KCNN2: variants seen among roughly 807,000 people sequenced by gnomAD.
KCNN2 encodes the protein potassium calcium-activated channel subfamily N member 2.
KCNN2 carries 24 observed loss-of-function variants against 55.5 expected under a neutral mutation model. The ratio of observed to expected loss-of-function variants is 0.43; its 90% CI spans 0.31 to 0.61. The LOEUF is 0.61. Ranked by LOEUF, KCNN2 falls within the 20% of genes least tolerant of loss-of-function variation. KCNN2 has a pLI of 0.08. For synonymous variants in KCNN2, 431 were observed against 336.1 expected, an observed-to-expected ratio of 1.28 and a Z score of -3.09; for missense variants, 754 against 853.6, an observed-to-expected ratio of 0.88 and a Z score of 1.45.
intron 3 of KCNN2, among the ~76,000 whole-genome samples, chr5:114,433,302 G>C (rs1759868409): frequency 6.6e-6 from 1 of 152,176 alleles, no homozygotes; most frequent in Admixed American, 6.5e-5. Flanking sequence ...ACTGTATCTA[G>C]CTACTCTGGT....
intron 2 of KCNN2, among the ~76,000 whole-genome samples, chr5:114,314,113 C>A (rs1226602340): frequency 6.6e-6 from 1 of 151,990 alleles, no homozygotes; most frequent in Non-Finnish European, 1.5e-5. Flanking sequence ...TTGTATAGGA[C>A]ATGAACAAAA....
rs1748092809 is a variant in KCNN2, at chr5:114,495,884, C to G, written c.2089-11C>G. 1.2e-6 allele frequency: 2 copies of G among 1,609,630 alleles called. No homozygotes were observed. Among genetic ancestry groups the G allele is most frequent in the Middle Eastern group, 1.6e-4 (1 of 6,072 alleles). On this transcript the variant is annotated splice_polypyrimidine_tract_variant and intron_variant, in intron 7 of 7. Transcript: ENST00000673685. ...AGTATAATTAACCTTCTTCTCAATC[C>G]TGTTTTTCAGACCCAGAACATCATG...
At chr5:114,146,439 C>T (rs550498588) in intron 1 of KCNN2, among the ~76,000 whole-genome samples, 8 of 152,230 alleles carry the variant, frequency 5.3e-5, no homozygotes, top group African/African-American at 9.6e-5. Context: ...TAGGCTGGAC[C>T]GTTGTCTGTT....
At chr5:114,363,309 G>T (rs1433686781) in intron 1 of KCNN2, 48 bp downstream of exon 1, 7 of 1,511,452 alleles carry the variant, frequency 4.6e-6, no homozygotes, top group Non-Finnish European at 4.4e-6. Flanking sequence ...GGCACTGGGT[G>T]GTTGGGATGG....
intron 1 of KCNN2, among the ~76,000 whole-genome samples, chr5:114,197,355 T>G (rs1276572529): frequency 6.6e-6 from 1 of 152,236 alleles, no homozygotes; most frequent in East Asian, 1.9e-4. Context: ...GTTTATAGAA[T>G]TGTTCAAGTC....
At chr5:114,218,510 T>C (rs1378469529) in intron 1 of KCNN2, among the ~76,000 whole-genome samples, 1 of 152,198 alleles carries the variant, frequency 6.6e-6, no homozygotes, top group African/African-American at 2.4e-5. Context: ...TACTGTATGA[T>C]TCTAGCTATG....
intron 1 of KCNN2, among the ~76,000 whole-genome samples, chr5:114,088,453 TTAGAAATCAC>T (rs1171810686): frequency 6.6e-6 from 1 of 152,102 alleles, no homozygotes; most frequent in African/African-American, 2.4e-5. Context: ...TACAGCTGTG[TTAGAAATCAC>T]TGAAGCTCTG....
intron 1 of KCNN2, among the ~76,000 whole-genome samples, chr5:114,125,746 C>T (rs890946217): frequency 2.0e-5 from 3 of 152,184 alleles, no homozygotes; most frequent in African/African-American, 7.2e-5. Flanking sequence ...TGAGGCCTCT[C>T]TCTTTGTCTT....
intron 1 of KCNN2, among the ~76,000 whole-genome samples, chr5:114,209,328 G>A (rs1753833124): frequency 6.6e-6 from 1 of 151,848 alleles, no homozygotes; most frequent in African/African-American, 2.4e-5. Context: ...TCCTCTGCTT[G>A]CTCCTTAAAT....
At chr5:114,155,348 T>G (rs1398139602) in intron 1 of KCNN2, among the ~76,000 whole-genome samples, 1 of 152,212 alleles carries the variant, frequency 6.6e-6, no homozygotes, top group Non-Finnish European at 1.5e-5. Flanking sequence ...GCAGTGAACA[T>G]ACATGTGCAT....
At chr5:114,105,790 T>A (rs1561477941) in intron 1 of KCNN2, among the ~76,000 whole-genome samples, 1 of 152,082 alleles carries the variant, frequency 6.6e-6, no homozygotes, top group Admixed American at 6.6e-5. Context: ...TGGTAAGTCC[T>A]CAGTCTTCAG....
intron 1 of KCNN2, among the ~76,000 whole-genome samples, chr5:114,066,724 C>T (rs565012564): frequency 5.3e-4 from 81 of 152,114 alleles, no homozygotes; most frequent in Admixed American, 2.0e-3. Flanking sequence ...GGACTACAGG[C>T]GCACGCCACC....
rs533230802 is a variant in KCNN2, at chr5:114,106,901, T to G, written c.-271+50401T>G. Among the ~76,000 whole-genome samples, 213 of 152,172 alleles carry G rather than the reference T, an allele frequency of 1.4e-3. 2 individuals carry two copies. Among genetic ancestry groups the G allele is most frequent in the African/African-American group, 5.0e-3 (209 of 41,548 alleles). On this transcript the variant is annotated intron_variant, in intron 1 of 10. Transcript: ENST00000512097. ...AATGAGGTCCAAGTTATCAACCTTT[T>G]TGTTTATGCTTGATGCTATTTCTGT...
In KCNN2 at chr5:114,097,298, C is replaced by T. The variant is rs1442864556; in HGVS notation, c.-271+40798C>T. ...AGGGTCCAGTCAATTTCATTTTGTT[C>T]GGATTACAAACCCTCTGATCTGCAA... On this transcript the variant is annotated intron_variant, in intron 1 of 10. Transcript: ENST00000512097. 3.9e-5 allele frequency among the ~76,000 whole-genome samples: 6 copies of T among 152,192 alleles called. No individual in the cohort carries two copies. In the South Asian group the frequency reaches 6.2e-4, roughly 16 times the overall value.
At chr5:114,380,898 G>A (rs1758101851) in intron 2 of KCNN2, among the ~76,000 whole-genome samples, 1 of 152,156 alleles carries the variant, frequency 6.6e-6, no homozygotes, top group Non-Finnish European at 1.5e-5. Context: ...CTGGGGGCAG[G>A]CATCATGTTT....
intron 2 of KCNN2, among the ~76,000 whole-genome samples, chr5:114,349,491 TG>T (rs1260404197): frequency 6.6e-6 from 1 of 152,066 alleles, no homozygotes; most frequent in African/African-American, 2.4e-5. Flanking sequence ...GAAACAAAAA[TG>T]AATTATGTGT....
upstream of KCNN2, among the ~76,000 whole-genome samples, chr5:114,358,026 T>TAAAA (rs1229828504): frequency 2.6e-5 from 4 of 151,486 alleles, no homozygotes; most frequent in Non-Finnish European, 4.4e-5. Context: ...ATTGTGGTTT[T>TAAAA]GATTTGCATT....
intron 1 of KCNN2, among the ~76,000 whole-genome samples, chr5:114,149,604 T>C (rs1324153695): frequency 6.6e-6 from 1 of 152,140 alleles, no homozygotes; most frequent in Non-Finnish European, 1.5e-5. Context: ...GATGGTCACA[T>C]GGGAATGAAG....
chr5:114,469,876 T>C (rs1201795375), intron 4 of KCNN2, among the ~76,000 whole-genome samples: 1 of 152,208 alleles, frequency 6.6e-6, no homozygotes, highest in African/African-American at 2.4e-5. Flanking sequence ...TCTAGGGAAG[T>C]ATAAGTTTAT....
Sources: allele counts gnomAD v4.1 joint callset (sites outside exome capture counted in the v4.1 genomes callset), GRCh38; gene constraint gnomAD v4.1.1; transcripts MANE v1.5; gene names NCBI Gene and HGNC (gene_info 2026-07-23, HGNC 2026-07-21).